Variants in RET observed in about 807,000 individuals in gnomAD.
RET encodes the protein proto-oncogene tyrosine-protein kinase receptor Ret.
Under a neutral mutation model 118.3 loss-of-function variants are expected in RET, and 19 were observed. The observed-to-expected ratio is 0.16, with a 90% CI of 0.11 to 0.24. The LOEUF is 0.24. RET is among the 10% of genes least tolerant of loss of function. The probability of loss-of-function intolerance (pLI) is 1.00; values close to 1 mark genes in which losing one functional copy is unlikely to be tolerated. For missense variants in RET, 1,219 were observed against 1,502.1 expected, an observed-to-expected ratio of 0.81 and a Z score of 3.12; for synonymous variants, 597 against 644.1, an observed-to-expected ratio of 0.93 and a Z score of 1.11.
chr10:43,109,926 C>T (rs867420437), intron 6 of RET, among the ~76,000 whole-genome samples: 1 of 152,180 alleles, frequency 6.6e-6, no homozygotes, highest in Non-Finnish European at 1.5e-5. Flanking sequence ...AACTGCAGCA[C>T]GCATGTTCTC....
chr10:43,078,071 G>C (rs984169678), intron 1 of RET, among the ~76,000 whole-genome samples: 3 of 152,220 alleles, frequency 2.0e-5, no homozygotes, highest in African/African-American at 7.2e-5. Context: ...AGCCAGCGTT[G>C]GTGCTGGGCC....
rs1417240602 is a variant in RET at position 43,119,760 on chromosome 10, C to T, written c.2607+15C>T. ...CCGAGATGAAGGTGCGTGCATATGG[C>T]TCTGCACCCAGCCAGCCCCGGCCAG... On this transcript the variant is annotated intron_variant, in intron 14 of 19. Transcript: ENST00000355710. 12 of 1,611,030 alleles carry T rather than the reference C, an allele frequency of 7.4e-6. No homozygotes were observed. The highest frequency in any genetic ancestry group is 8.5e-6 in the Non-Finnish European group (10 of 1,178,852).
chr10:43,080,475 C>T (rs1248438857), intron 1 of RET, among the ~76,000 whole-genome samples: 1 of 152,244 alleles, frequency 6.6e-6, no homozygotes, highest in East Asian at 1.9e-4. Context: ...GTTCTCATAG[C>T]CTATGGACTC....
intron 10 of RET, 106 bp downstream of exon 10, chr10:43,113,781 G>T: frequency 3.3e-6 from 5 of 1,508,428 alleles, no homozygotes; most frequent in South Asian, 2.4e-5. Context: ...AGGCGAGTGG[G>T]CCCCATGAAA....
rs1313331250 is a variant in RET, at chr10:43,111,328, C to T, written c.1385C>T (p.Ser462Leu). The T allele has an allele frequency of 1.9e-6, 3 of 1,614,136 alleles. No homozygotes were observed. Among genetic ancestry groups the T allele is most frequent in the South Asian group, 1.1e-5 (1 of 91,088 alleles). ...GTGGTCACCTCAGCCGAGGACACCT[C>T]GGGGATCCTGTTTGTGAATGACACC... is the stretch of plus-strand genomic sequence containing the variant. Reference protein sequence around the residue: ...LGVVTSAEDTSGILFVNDTKA... With the variant: ...LGVVTSAEDTLGILFVNDTKA... Residue 462 changes from serine to leucine, a missense_variant, in exon 7 of 20, where the codon TCG (serine) becomes TTG (leucine). Transcript: ENST00000355710.
At chr10:43,120,016 A>G (rs1838175194) in intron 14 of RET, 65 bp from the exon 15 acceptor site, 5 of 1,603,000 alleles carry the variant, frequency 3.1e-6, no homozygotes, top group Non-Finnish European at 1.7e-6. Flanking sequence ...TGGTCACACC[A>G]GGCTGAGCCA....
intron 8 of RET, 111 bp downstream of exon 8, chr10:43,112,335 C>T: frequency 2.0e-6 from 3 of 1,473,688 alleles, no homozygotes; most frequent in Non-Finnish European, 1.8e-6. Context: ...AGGTCTGCTT[C>T]TGGCACCTCA....
chr10:43,111,393 A>G lies in RET; in HGVS notation c.1450A>G (p.Met484Val), dbSNP rs755660496. ...RRPKCAELHY[M>V]VVATDQQTSR... The stretch of plus-strand genomic sequence containing the variant: ...GCCCAAGTGTGCCGAACTTCACTAC[A>G]TGGTGGTGGCCACCGACCAGCAGAC... The change falls in exon 7 of 20, where the codon ATG becomes GTG. Residue 484 changes from methionine to valine, a missense_variant. Met to Val is a conservative substitution (Grantham distance 21). Transcript: ENST00000355710. 4.4e-6 allele frequency: 7 copies of G among 1,599,280 alleles called. No individual in the cohort carries two copies. The highest frequency in any genetic ancestry group is 6.0e-6 in the Non-Finnish European group (7 of 1,170,972).
In RET at chr10:43,120,062, G is replaced by T. The variant is rs773241624; in HGVS notation, c.2608-19G>T. On this transcript the variant is annotated intron_variant, in intron 14 of 19. Coordinates refer to ENST00000355710, the MANE Select transcript of RET (RefSeq NM_020975.6). Reference sequence around the variant, plus strand: ...CTGCCTGGCCATGGCCTGACGACTCGTGCTATTTTTCCTCACAGCTCGTTC... The same window carrying T: ...CTGCCTGGCCATGGCCTGACGACTCTTGCTATTTTTCCTCACAGCTCGTTC... 1 of 1,613,108 alleles carries T rather than the reference G, an allele frequency of 6.2e-7. No homozygotes were observed. The highest frequency in any genetic ancestry group is 8.5e-7 in the Non-Finnish European group (1 of 1,179,754).
chr10:43,122,111 G>A, intron 16 of RET, 95 bp downstream of exon 16: 1 of 962,958 alleles, frequency 1.0e-6, no homozygotes, highest in Non-Finnish European at 1.7e-6. Context: ...GCTTGGCCAG[G>A]GAATTGCACT....
At chr10:43,126,090 G>T (rs762593767) in intron 18 of RET, among the ~76,000 whole-genome samples, 4 of 152,192 alleles carry the variant, frequency 2.6e-5, no homozygotes, top group Non-Finnish European at 5.9e-5. Flanking sequence ...CTGACGTGAC[G>T]TTCTAGATGG....
chr10:43,100,977 C>T (rs1456873379), intron 2 of RET, among the ~76,000 whole-genome samples: 2 of 152,210 alleles, frequency 1.3e-5, no homozygotes, highest in African/African-American at 4.8e-5. Context: ...TTCTGCCAGA[C>T]CCGAATCCCT....
intron 19 of RET, chr10:43,127,068 ACTAAG>A: frequency 1.6e-6 from 2 of 1,218,480 alleles, no homozygotes; most frequent in Non-Finnish European, 2.1e-6. Context: ...TTCTACTTTA[ACTAAG>A]TGGATAAATA....
Position 43,119,817 on chromosome 10 carries a change from C to A in RET, c.2607+72C>A. On this transcript the variant is annotated intron_variant, in intron 14 of 19. Coordinates refer to ENST00000355710, the MANE Select transcript of RET (RefSeq NM_020975.6). ...CCCTGACCCACCACGCCCCTGCCACCCACACCCTGGCCTGCCACTCCCCCA... is the reference window on the plus strand; with the variant it reads ...CCCTGACCCACCACGCCCCTGCCACACACACCCTGGCCTGCCACTCCCCCA... The A allele has an allele frequency of 2.7e-6, 4 of 1,491,116 alleles. No individual in the cohort carries two copies. The South Asian group carries it at 4.6e-5, about 17-fold the overall frequency. The allele number at this position is 1,491,116 out of a possible 1,614,324, so 92.4% of individuals were successfully genotyped here.
At chr10:43,081,691 G>A (rs1045298246) in intron 1 of RET, among the ~76,000 whole-genome samples, 12 of 152,192 alleles carry the variant, frequency 7.9e-5, no homozygotes, top group Non-Finnish European at 1.6e-4. Context: ...GTCAAATGGG[G>A]AGGTCCCTTG....
At chr10:43,116,872 G>A (rs1192450594) in intron 12 of RET, 141 bp downstream of exon 12, 7 of 948,648 alleles carry the variant, frequency 7.4e-6, no homozygotes, top group South Asian at 1.6e-5. Flanking sequence ...CCCCTACCAT[G>A]GGCCACTTGG....
At chr10:43,081,712 C>A (rs939650170) in intron 1 of RET, among the ~76,000 whole-genome samples, 29 of 152,260 alleles carry the variant, frequency 1.9e-4, no homozygotes, top group African/African-American at 6.5e-4. Context: ...GGGTCCATGA[C>A]CCAGGCACTG....
intron 12 of RET, among the ~76,000 whole-genome samples, chr10:43,117,942 G>A (rs1462386958): frequency 6.6e-6 from 1 of 152,200 alleles, no homozygotes; most frequent in Non-Finnish European, 1.5e-5. Context: ...GAAATGGGGA[G>A]CCTGGTCGCG....
In RET at chr10:43,100,589, G is replaced by A. The variant is rs148874112; in HGVS notation, c.204G>A (p.Leu68=). 1.2e-6 allele frequency: 2 copies of A among 1,613,928 alleles called. No individual in the cohort carries two copies. Among genetic ancestry groups the A allele is most frequent in the South Asian group, 1.1e-5 (1 of 91,078 alleles). ...CTGAGGAGGTGCCCAGCTTCCGCCT[G>A]GGCCAGCATCTCTACGGCACGTACC... The part of the protein sequence containing the change: ...DAPEEVPSFR[L]GQHLYGTYRT... The change falls in exon 2 of 20, where the codon CTG becomes CTA. Residue 68 remains leucine (L), a synonymous_variant. Coordinates refer to ENST00000355710, the MANE Select transcript of RET (RefSeq NM_020975.6).
Sources: gnomAD v4.1 joint callset for allele counts (sites outside exome capture counted in the v4.1 genomes callset) on GRCh38, gnomAD v4.1.1 for gene constraint, MANE v1.5 for transcripts, NCBI Gene and HGNC (gene_info 2026-07-23, HGNC 2026-07-21) for gene names.